Variants in TJP1 observed in about 807,000 individuals in gnomAD.
TJP1 encodes tight junction protein 1, also known as tight junction protein ZO-1.
A neutral mutation model predicts 194.2 loss-of-function variants in TJP1; 43 were observed. The observed-to-expected ratio is 0.22, with a 90% confidence interval of 0.17 to 0.29. The LOEUF (loss-of-function observed/expected upper bound fraction) is 0.29. Ranked by LOEUF, TJP1 falls within the 10% of genes least tolerant of loss-of-function variation. The pLI is 1.00. For missense variants in TJP1, 1,971 were observed against 2,185.7 expected (o/e 0.90, Z 1.96); for synonymous variants, 801 against 779.0 (o/e 1.03, Z -0.47).
intron 2 of TJP1, among the ~76,000 whole-genome samples, chr15:29,939,538 C>T (rs1186832813): frequency 1.3e-5 from 2 of 152,156 alleles, no homozygotes; most frequent in Non-Finnish European, 2.9e-5. Context: ...GGCTCAGTGA[C>T]TCTGAAGGTG....
At chr15:29,862,573 A>G (rs1596129968) in intron 2 of TJP1, among the ~76,000 whole-genome samples, 2 of 152,124 alleles carry the variant, frequency 1.3e-5, no homozygotes, top group South Asian at 2.1e-4. Context: ...TGGGAGCCAA[A>G]GCTGAAGCAG....
intron 2 of TJP1, among the ~76,000 whole-genome samples, chr15:29,903,866 G>A (rs60581964): frequency 0.015 from 2,227 of 152,260 alleles, 52 homozygotes; most frequent in African/African-American, 0.051. Context: ...TTCCTTTATG[G>A]AAAATTTGCT....
chr15:29,821,144 A>G (rs2050310390), intron 1 of TJP1, among the ~76,000 whole-genome samples: 1 of 152,204 alleles, frequency 6.6e-6, no homozygotes. Flanking sequence ...AATATACAAA[A>G]TGGGAGGAGC....
At chr15:29,855,229 A>C (rs2051800989) in intron 2 of TJP1, among the ~76,000 whole-genome samples, 1 of 152,244 alleles carries the variant, frequency 6.6e-6, no homozygotes. Context: ...ACACTTGAAC[A>C]AGTGGGACCT....
chr15:29,731,835 G>A (rs551470677), intron 15 of TJP1, among the ~76,000 whole-genome samples: 21 of 151,912 alleles, frequency 1.4e-4, no homozygotes, highest in South Asian at 1.2e-3. Context: ...ATAAAACAAG[G>A]ATCTGTAAGC....
chr15:29,719,483 A>T (rs1198731852), intron 20 of TJP1, among the ~76,000 whole-genome samples: 1 of 152,206 alleles, frequency 6.6e-6, no homozygotes, highest in African/African-American at 2.4e-5. Context: ...ATTAACATAA[A>T]TATGTTTATG....
At chr15:29,879,736 G>T (rs2052858094) in intron 2 of TJP1, among the ~76,000 whole-genome samples, 1 of 151,776 alleles carries the variant, frequency 6.6e-6, no homozygotes, top group Non-Finnish European at 1.5e-5. Context: ...TTTTGAGACA[G>T]GGTCTCACTC....
chr15:29,949,461 C>T, intron 2 of TJP1, among the ~76,000 whole-genome samples: 1 of 121,170 alleles, frequency 8.3e-6, no homozygotes, highest in Non-Finnish European at 1.7e-5. Context: ...ACCACCACTT[C>T]CACCACCACC....
Position 29,788,124 on chromosome 15 carries a change from T to C in TJP1, c.84+12522A>G, listed in dbSNP as rs1036114674. 4.6e-5 allele frequency among the ~76,000 whole-genome samples: 7 copies of C among 152,350 alleles called. No individual in the cohort carries two copies. In the East Asian group the frequency reaches 5.8e-4, roughly 13 times the overall value. On this transcript the variant is annotated intron_variant, in intron 2 of 27. Transcript: ENST00000614355. The stretch of plus-strand genomic sequence containing the variant: ...TTCATACATCTTCTTTGAGGAAGTA[T>C]CTATTCAAATCATTTGCTATTTTTC...
chr15:29,705,814 T>G, intron 25 of TJP1, 69 bp from the exon 26 acceptor site: 1 of 1,312,002 alleles, frequency 7.6e-7, no homozygotes, highest in Non-Finnish European at 1.1e-6. Context: ...TTACTACTAC[T>G]GTATTACGTG....
At chr15:29,853,806 C>T (rs1325393289) in intron 2 of TJP1, among the ~76,000 whole-genome samples, 5 of 152,154 alleles carry the variant, frequency 3.3e-5, no homozygotes, top group African/African-American at 1.2e-4. Context: ...ATCCTGAAGG[C>T]AATTTCCTGG....
intron 11 of TJP1, among the ~76,000 whole-genome samples, chr15:29,735,184 C>T (rs563261680): frequency 1.3e-5 from 2 of 151,724 alleles, no homozygotes; most frequent in South Asian, 4.2e-4. Context: ...TTTCTTCTTT[C>T]CACCTTTTGG....
At chr15:29,798,989 G>T (rs1282263026) in intron 2 of TJP1, among the ~76,000 whole-genome samples, 2 of 152,172 alleles carry the variant, frequency 1.3e-5, no homozygotes, top group African/African-American at 4.8e-5. Flanking sequence ...TTGGTTAAGT[G>T]GACGTGAGGG....
chr15:29,802,407 C>G (rs1278123736), intron 1 of TJP1, among the ~76,000 whole-genome samples: 1 of 152,026 alleles, frequency 6.6e-6, no homozygotes, highest in Non-Finnish European at 1.5e-5. Flanking sequence ...AAATTCAAAG[C>G]AACTAGATTA....
At chr15:29,728,620 T>C (rs2043393707) in intron 15 of TJP1, 2 of 152,508 alleles carry the variant, frequency 1.3e-5, no homozygotes, top group South Asian at 4.1e-4. Flanking sequence ...CACTGGTGTA[T>C]ACTGTGCCAA....
chr15:29,760,301 G>A (rs747503446), intron 8 of TJP1: 17 of 701,250 alleles, frequency 2.4e-5, no homozygotes, highest in Admixed American at 2.2e-4. Context: ...TCAAATGTAC[G>A]TGTGACTCTA....
intron 1 of TJP1, among the ~76,000 whole-genome samples, chr15:29,963,717 G>A (rs1183461034): frequency 1.3e-5 from 2 of 152,122 alleles, no homozygotes; most frequent in African/African-American, 2.4e-5. Flanking sequence ...GCAGTGGCAT[G>A]ATCTCGGCTC....
At chr15:29,709,963 T>C (rs999640569) in intron 24 of TJP1, among the ~76,000 whole-genome samples, 3 of 151,984 alleles carry the variant, frequency 2.0e-5, no homozygotes, top group Non-Finnish European at 4.4e-5. Flanking sequence ...CTGGCTAACA[T>C]GATGAAACCC....
At chr15:29,963,227 G>A (rs893704972) in intron 1 of TJP1, among the ~76,000 whole-genome samples, 5 of 152,134 alleles carry the variant, frequency 3.3e-5, no homozygotes, top group Admixed American at 2.0e-4. Context: ...TGAGTGGGCC[G>A]GGGGACCACC....
Sources: gnomAD v4.1 joint callset for allele counts (sites outside exome capture counted in the v4.1 genomes callset) on GRCh38, gnomAD v4.1.1 for gene constraint, MANE v1.5 for transcripts, NCBI Gene and HGNC (gene_info 2026-07-23, HGNC 2026-07-21) for gene names.